FOXP1: variants seen among roughly 807,000 people sequenced by gnomAD.
FOXP1 encodes forkhead box P1.
A neutral mutation model predicts 98.2 loss-of-function variants in FOXP1; 15 were observed. The observed-to-expected ratio is 0.15, with a 90% CI of 0.10 to 0.24. FOXP1 has a LOEUF of 0.24. FOXP1 is among the 10% of genes least tolerant of loss of function. FOXP1 has a pLI of 1.00. For missense variants in FOXP1, 633 were observed against 848.5 expected, an observed-to-expected ratio of 0.75 and a Z score of 3.15; for synonymous variants, 371 against 314.5, an observed-to-expected ratio of 1.18 and a Z score of -1.90.
intron 6 of FOXP1, among the ~76,000 whole-genome samples, chr3:71,122,616 C>T (rs1165229551): frequency 6.6e-6 from 1 of 152,098 alleles, no homozygotes; most frequent in Non-Finnish European, 1.5e-5. Flanking sequence ...TACTATGAAC[C>T]AGACACTGTG....
chr3:71,091,530 A>AC (rs1247330428), intron 7 of FOXP1, among the ~76,000 whole-genome samples: 12 of 151,882 alleles, frequency 7.9e-5, no homozygotes, highest in Admixed American at 3.3e-4. Flanking sequence ...AAACAAACAA[A>AC]AAAAAAACTG....
chr3:71,253,563 G>C (rs1211498475), intron 5 of FOXP1, among the ~76,000 whole-genome samples: 2 of 152,070 alleles, frequency 1.3e-5, no homozygotes, highest in Non-Finnish European at 2.9e-5. Flanking sequence ...ATGTAACCCA[G>C]TACTCAGCAT....
intron 7 of FOXP1, among the ~76,000 whole-genome samples, chr3:71,106,591 T>C (rs528695452): frequency 5.3e-5 from 8 of 151,770 alleles, no homozygotes; most frequent in Admixed American, 3.9e-4. Context: ...CTCAAAGTGC[T>C]GGGGTTATAG....
At chr3:70,989,997 A>G (rs900635053) in intron 13 of FOXP1, among the ~76,000 whole-genome samples, 2 of 152,218 alleles carry the variant, frequency 1.3e-5, no homozygotes, top group Non-Finnish European at 2.9e-5. Flanking sequence ...ATTTGTATAC[A>G]CAGCCACTTT....
intron 7 of FOXP1, among the ~76,000 whole-genome samples, chr3:71,102,808 T>C (rs1479654162): frequency 6.6e-6 from 1 of 152,156 alleles, no homozygotes; most frequent in Non-Finnish European, 1.5e-5. Flanking sequence ...GGAGAGGCAG[T>C]AGAGTGTAAT....
intron 5 of FOXP1, among the ~76,000 whole-genome samples, chr3:71,243,359 C>T (rs917707697): frequency 1.3e-5 from 2 of 152,140 alleles, no homozygotes; most frequent in Non-Finnish European, 2.9e-5. Flanking sequence ...AGAGATGATC[C>T]GCAGCCAAGA....
chr3:70,987,470 A>G (rs1307732047), intron 14 of FOXP1, among the ~76,000 whole-genome samples: 1 of 152,230 alleles, frequency 6.6e-6, no homozygotes, highest in Non-Finnish European at 1.5e-5. Context: ...CTCCTTAGTA[A>G]CCATTAGAGC....
intron 17 of FOXP1, among the ~76,000 whole-genome samples, chr3:70,974,464 A>G (rs1389799092): frequency 6.6e-6 from 1 of 151,292 alleles, no homozygotes; most frequent in East Asian, 2.0e-4. Context: ...CACCCAGCTA[A>G]TTTTAAAAAT....
intron 7 of FOXP1, among the ~76,000 whole-genome samples, chr3:71,078,884 T>C (rs1349136319): frequency 6.6e-6 from 1 of 152,128 alleles, no homozygotes; most frequent in Non-Finnish European, 1.5e-5. Flanking sequence ...AGAGCTAGTG[T>C]GACCTTTGCT....
chr3:71,010,813 T>C (rs574824873), intron 12 of FOXP1, among the ~76,000 whole-genome samples: 1 of 152,034 alleles, frequency 6.6e-6, no homozygotes, highest in African/African-American at 2.4e-5. Context: ...TGCATCACTC[T>C]CTGATGACAA....
intron 3 of FOXP1, among the ~76,000 whole-genome samples, chr3:71,475,350 G>T (rs1430656816): frequency 6.6e-6 from 1 of 152,094 alleles, no homozygotes; most frequent in Non-Finnish European, 1.5e-5. Flanking sequence ...GATTAGCACA[G>T]AAAATACGTT....
At chr3:71,105,634 A>C (rs1338313005) in intron 7 of FOXP1, among the ~76,000 whole-genome samples, 1 of 152,156 alleles carries the variant, frequency 6.6e-6, no homozygotes, top group African/African-American at 2.4e-5. Flanking sequence ...TAGCCCCAAC[A>C]ATGATTATAA....
chr3:71,269,782 T>C (rs1039836406), intron 5 of FOXP1, among the ~76,000 whole-genome samples: 6 of 152,242 alleles, frequency 3.9e-5, no homozygotes, highest in African/African-American at 1.4e-4. Flanking sequence ...TGTACTTTTA[T>C]AGACAGGTAG....
At chr3:71,250,841 G>A (rs1381318956) in intron 5 of FOXP1, among the ~76,000 whole-genome samples, 1 of 152,122 alleles carries the variant, frequency 6.6e-6, no homozygotes. Flanking sequence ...TGAGGCAGGA[G>A]AATCGCTTGA....
At chr3:71,469,756 C>A (rs946493560) in intron 3 of FOXP1, among the ~76,000 whole-genome samples, 10 of 152,144 alleles carry the variant, frequency 6.6e-5, no homozygotes, top group Admixed American at 5.9e-4. Context: ...AAGCTGCAGA[C>A]CACCCTCAAC....
intron 4 of FOXP1, among the ~76,000 whole-genome samples, chr3:71,337,874 C>A (rs1247342722): frequency 6.6e-6 from 1 of 152,160 alleles, no homozygotes; most frequent in Admixed American, 6.5e-5. Flanking sequence ...GGAGCAGCAG[C>A]ATCCATGCCA....
At chr3:71,019,506 C>T (rs952781610) in intron 11 of FOXP1, among the ~76,000 whole-genome samples, 2 of 152,084 alleles carry the variant, frequency 1.3e-5, no homozygotes, top group African/African-American at 2.4e-5. Flanking sequence ...ATCACTTTTT[C>T]GGCTCCATAT....
At chr3:71,203,599 G>A (rs992584792) in intron 5 of FOXP1, among the ~76,000 whole-genome samples, 2 of 152,230 alleles carry the variant, frequency 1.3e-5, no homozygotes, top group East Asian at 3.9e-4. Context: ...TTGATTCCAG[G>A]GCAGTTAATT....
At chr3:71,285,739 T>C (rs765216355) in intron 5 of FOXP1, among the ~76,000 whole-genome samples, 3 of 152,212 alleles carry the variant, frequency 2.0e-5, no homozygotes, top group Non-Finnish European at 4.4e-5. Flanking sequence ...TTTGGTATTA[T>C]ATCACAAAAG....
Sources: gnomAD v4.1 joint callset for allele counts (sites outside exome capture counted in the v4.1 genomes callset) on GRCh38, gnomAD v4.1.1 for gene constraint, MANE v1.5 for transcripts, NCBI Gene and HGNC (gene_info 2026-07-23, HGNC 2026-07-21) for gene names.